SIRT1: variants seen among roughly 807,000 people sequenced by gnomAD.
SIRT1 encodes sirtuin 1, also known as NAD-dependent protein deacetylase sirtuin-1.
A neutral mutation model predicts 67.9 loss-of-function variants in SIRT1; 24 were observed. That is an observed-to-expected ratio of 0.35 (90% CI 0.26 to 0.50). SIRT1 has a LOEUF of 0.50. SIRT1 is among the 20% of genes least tolerant of loss of function. The pLI is 0.98. For synonymous variants in SIRT1, 378 were observed against 350.7 expected, an observed-to-expected ratio of 1.08 and a Z score of -0.87; for missense variants, 873 against 937.2, an observed-to-expected ratio of 0.93 and a Z score of 0.89.
In SIRT1 at chr10:67,917,031, ATTGAATGG is replaced by A. The variant is rs2029942450; in HGVS notation, c.*441_*448del. ...TGGTATTTTCACTTTTCTTTGTAAC[ATTGAATGG>A]TTTGAAGTACTCAAAATCTGTTACG... On this transcript the variant is annotated 3_prime_UTR_variant, in exon 9 of 9. Transcript: ENST00000212015. The A allele has an allele frequency of 1.3e-5, 2 of 152,874 alleles. No individual in the cohort carries two copies. Among genetic ancestry groups the A allele is most frequent in the South Asian group, 4.1e-4 (2 of 4,844 alleles). The allele number at this position is 152,874 out of a possible 1,614,324, so 9.5% of individuals were successfully genotyped here. A position where few individuals can be genotyped will look rare whatever the true frequency, so the allele number is the denominator to read the frequency against.
intron 4 of SIRT1, among the ~76,000 whole-genome samples, chr10:67,898,392 C>T (rs1842692508): frequency 6.6e-6 from 1 of 151,848 alleles, no homozygotes; most frequent in South Asian, 2.1e-4. Flanking sequence ...GAGGGAGAAA[C>T]ACGAACTGAA....
rs776933716 is a variant in SIRT1, at chr10:67,891,442, A to G, written c.830A>G (p.Asp277Gly). 1.9e-6 allele frequency: 3 copies of G among 1,614,080 alleles called. No homozygotes were observed. Among genetic ancestry groups the G allele is most frequent in the East Asian group, 2.2e-5 (1 of 44,872 alleles). ...GGAATACCTGACTTCAGGTCAAGGG[A>G]TGGTATTTATGCTCGCCTTGCTGTA... ...SCGIPDFRSR[D>G]GIYARLAVDF... Residue 277 changes from aspartate to glycine, a missense_variant, in exon 4 of 9, where the codon GAT (aspartate) becomes GGT (glycine). By Grantham distance (94) the Asp-to-Gly change is moderately conservative. Coordinates refer to ENST00000212015, the MANE Select transcript of SIRT1 (RefSeq NM_012238.5).
At chr10:67,914,711 T>A (rs1409859230) in intron 8 of SIRT1, among the ~76,000 whole-genome samples, 3 of 151,964 alleles carry the variant, frequency 2.0e-5, no homozygotes, top group Non-Finnish European at 4.4e-5. Context: ...TTTTTTTAAA[T>A]TTATTTATTT....
intron 1 of SIRT1, 192 bp downstream of exon 1, chr10:67,885,343 C>T (rs1564881164): frequency 3.2e-6 from 4 of 1,237,040 alleles, no homozygotes; most frequent in Non-Finnish European, 4.0e-6. Context: ...AGTGGATTCG[C>T]TCTTTTCCTC....
chr10:67,894,195 T>G (rs1167353671), intron 4 of SIRT1, among the ~76,000 whole-genome samples: 1 of 152,200 alleles, frequency 6.6e-6, no homozygotes, highest in African/African-American at 2.4e-5. Context: ...AAAATTATAT[T>G]AATTCTTGAA....
intron 7 of SIRT1, 137 bp from the exon 8 acceptor site, chr10:67,912,337 A>G: frequency 1.4e-6 from 1 of 693,088 alleles, no homozygotes; most frequent in East Asian, 2.7e-5. Context: ...GGCTTGGTTA[A>G]GTATTTAGTG....
intron 2 of SIRT1, among the ~76,000 whole-genome samples, chr10:67,888,662 C>G (rs746126635): frequency 3.3e-5 from 5 of 152,140 alleles, no homozygotes; most frequent in Non-Finnish European, 7.4e-5. Context: ...GAAATATATA[C>G]TTACAGCTGA....
Position 67,912,476 on chromosome 10 carries a change from T to G in SIRT1, c.1360T>G (p.Ser454Ala). The change falls in exon 8 of 9, where the codon TCC becomes GCC. Residue 454 changes from serine (S) to alanine (A), a missense_variant and splice_region_variant. By Grantham distance (99) the Ser-to-Ala change is moderately conservative (BLOSUM62 1). Transcript: ENST00000212015. ...TCTTATTTTTCACCCTATTTTAGGT[T>G]CCATACCCCATGAAGTGCCTCAGAT... Reference protein sequence around the residue: ...KVRPVALIPSSIPHEVPQILI... With the variant: ...KVRPVALIPSAIPHEVPQILI... 6.2e-7 allele frequency: 1 copy of G among 1,603,196 alleles called. No individual in the cohort carries two copies. Among genetic ancestry groups the G allele is most frequent in the South Asian group, 1.1e-5 (1 of 88,558 alleles).
intron 1 of SIRT1, 86 bp downstream of exon 1, chr10:67,885,237 G>C (rs1486387442): frequency 3.2e-6 from 4 of 1,258,722 alleles, no homozygotes; most frequent in Middle Eastern, 2.8e-4. Context: ...GGGCGGCTGG[G>C]GGCTCGGGGC....
intron 4 of SIRT1, among the ~76,000 whole-genome samples, chr10:67,904,989 GT>G (rs896913784): frequency 3.4e-4 from 51 of 152,166 alleles, no homozygotes; most frequent in African/African-American, 1.2e-3. Flanking sequence ...AAGGGTGGGG[GT>G]GGACGTGGAT....
rs1589064501 is a variant in SIRT1 at position 67,884,845 on chromosome 10, C to T, written c.124C>T (p.Pro42Ser). The T allele has an allele frequency of 1.6e-6, 2 of 1,214,350 alleles. No individual in the cohort carries two copies. Among genetic ancestry groups the T allele is most frequent in the East Asian group, 3.3e-5 (1 of 30,428 alleles). The allele number at this position is 1,214,350 out of a possible 1,614,324, so 75.2% of individuals were successfully genotyped here. ...PLRKRPRRDGPGLERSPGEPG... is the reference protein window; with the variant it reads ...PLRKRPRRDGSGLERSPGEPG... Reference sequence around the variant, plus strand: ...CCGCAAGAGGCCGCGGAGAGATGGTCCCGGCCTCGAGCGGAGCCCGGGCGA... The same window carrying T: ...CCGCAAGAGGCCGCGGAGAGATGGTTCCGGCCTCGAGCGGAGCCCGGGCGA... The change falls in exon 1 of 9, where the codon CCC becomes TCC. Residue 42 changes from proline (P) to serine (S), a missense_variant. Pro to Ser is a moderately conservative substitution (Grantham distance 74). Coordinates refer to ENST00000212015, the MANE Select transcript of SIRT1 (RefSeq NM_012238.5).
Position 67,906,828 on chromosome 10 carries a change from C to A in SIRT1, c.981C>A (p.His327Gln). 1 of 1,613,110 alleles carries A rather than the reference C, an allele frequency of 6.2e-7. No homozygotes were observed. The highest frequency in any genetic ancestry group is 8.5e-7 in the Non-Finnish European group (1 of 1,179,678). The change falls in exon 5 of 9, where the codon CAC (histidine) becomes CAA (glutamine). Residue 327 changes from histidine to glutamine, a missense_variant. This residue lies in a region of SIRT1 where 251 missense variants were observed against 358.8 expected (regional missense o/e 0.70). Transcript: ENST00000212015. ...YPGQFQPSLC[H>Q]KFIALSDKEG... ...GACAATTCCAGCCATCTCTCTGTCACAAATTCATAGCCTTGTCAGATAAGG... is the reference window on the plus strand; with the variant it reads ...GACAATTCCAGCCATCTCTCTGTCAAAAATTCATAGCCTTGTCAGATAAGG...
At chr10:67,909,055 CAA>C (rs1251055246) in intron 6 of SIRT1, among the ~76,000 whole-genome samples, 199 bp from the exon 7 acceptor site, 1 of 151,966 alleles carries the variant, frequency 6.6e-6, no homozygotes, top group Non-Finnish European at 1.5e-5. Context: ...GATATTATAA[CAA>C]GAGCATAGTA....
chr10:67,886,516 A>T (rs1842483113), intron 1 of SIRT1, among the ~76,000 whole-genome samples: 3 of 148,350 alleles, frequency 2.0e-5, no homozygotes, highest in African/African-American at 7.5e-5. Context: ...TGATCCTGCC[A>T]CTGCACTCCA....
chr10:67,891,476 A>G lies in SIRT1; in HGVS notation c.864A>G (p.Pro288=). The change falls in exon 4 of 9, where the codon CCA becomes CCG. Residue 288 remains proline (P), a synonymous_variant. Transcript: ENST00000212015. ...GIYARLAVDF[P]DLPDPQAMFD... is the part of the protein sequence containing the mutation. ...ATGCTCGCCTTGCTGTAGACTTCCCAGATCTTCCAGATCCTCAAGCGATGT... is the reference window on the plus strand; with the variant it reads ...ATGCTCGCCTTGCTGTAGACTTCCCGGATCTTCCAGATCCTCAAGCGATGT... The G allele has an allele frequency of 6.2e-7, 1 of 1,614,130 alleles. No homozygotes were observed. Among genetic ancestry groups the G allele is most frequent in the East Asian group, 2.2e-5 (1 of 44,866 alleles).
chr10:67,885,206 C>T (rs916655914), intron 1 of SIRT1, 55 bp downstream of exon 1: 40 of 1,291,148 alleles, frequency 3.1e-5, no homozygotes, highest in East Asian at 1.6e-4. Flanking sequence ...TCTCCCCGGG[C>T]TCCTACTGGC....
intron 4 of SIRT1, among the ~76,000 whole-genome samples, chr10:67,893,438 G>A (rs1266770823): frequency 6.6e-6 from 1 of 152,028 alleles, no homozygotes; most frequent in African/African-American, 2.4e-5. Context: ...GAGGATGATG[G>A]CTTCCAGCGA....
chr10:67,913,869 C>T (rs947957145), intron 8 of SIRT1, among the ~76,000 whole-genome samples: 3 of 152,098 alleles, frequency 2.0e-5, no homozygotes, highest in African/African-American at 4.8e-5. Context: ...GCTGTAAATA[C>T]ATTTTAGTTC....
chr10:67,913,007 G>A lies in SIRT1; in HGVS notation c.1891G>A (p.Glu631Lys). 1 of 1,607,686 alleles carries A rather than the reference G, an allele frequency of 6.2e-7. No homozygotes were observed. The highest frequency in any genetic ancestry group is 1.3e-5 in the African/African-American group (1 of 74,606). Residue 631 changes from glutamate to lysine, a missense_variant, in exon 8 of 9, where the codon GAG becomes AAG. By Grantham distance (56) the Glu-to-Lys change is moderately conservative. Transcript: ENST00000212015. The part of the protein sequence containing the change: ...RKCWPNRVAK[E>K]QISRRLDGNQ... ...ATGCTGGCCTAATAGAGTGGCAAAG[G>A]AGCAGATTAGTAGGCGGCTTGATGG...
Sources: gnomAD v4.1 joint callset for allele counts (sites outside exome capture counted in the v4.1 genomes callset) on GRCh38, gnomAD v4.1.1 for gene constraint, gnomAD v4.1.1 regional missense constraint, MANE v1.5 for transcripts, NCBI Gene and HGNC (gene_info 2026-07-23, HGNC 2026-07-21) for gene names.